TRMT6: variants seen among roughly 807,000 people sequenced by gnomAD.
TRMT6 encodes the protein tRNA (adenine(58)-N(1))-methyltransferase non-catalytic subunit TRM6.
Under a neutral mutation model 59.0 loss-of-function variants are expected in TRMT6, and 34 were observed. That is an observed-to-expected ratio of 0.58 (90% confidence interval 0.44 to 0.77). The LOEUF (loss-of-function observed/expected upper bound fraction) is 0.77. TRMT6 is among the 30% of genes least tolerant of loss of function. TRMT6 has a pLI of 0.00. For missense variants in TRMT6, 575 were observed against 604.5 expected (o/e 0.95, Z 0.51); for synonymous variants, 217 against 210.5 (o/e 1.03, Z -0.27).
chr20:5,942,868 G>A, intron 6 of TRMT6, 82 bp from the exon 7 acceptor site: 1 of 1,014,458 alleles, frequency 9.9e-7, no homozygotes, highest in South Asian at 1.5e-5. Flanking sequence ...CCACAGTAAT[G>A]AGACTGAAGG....
At chr20:5,944,310 T>C (rs985074703) in intron 3 of TRMT6, 57 bp from the exon 4 acceptor site, 3 of 1,091,912 alleles carry the variant, frequency 2.7e-6, no homozygotes, top group African/African-American at 1.6e-5. Context: ...AAACAAGTAA[T>C]TTCCAAAGGC....
At chr20:5,939,326 C>A (rs1476338901) in intron 10 of TRMT6, among the ~76,000 whole-genome samples, 2 of 151,840 alleles carry the variant, frequency 1.3e-5, no homozygotes, top group Non-Finnish European at 1.5e-5. Flanking sequence ...ACTAAAAATA[C>A]AAAAATTAGC....
Position 5,938,845 on chromosome 20 carries a change from A to AT in TRMT6, c.1303-120dup, listed in dbSNP as rs201461796. On this transcript the variant is annotated intron_variant, in intron 10 of 10. Transcript: ENST00000203001. Reference sequence around the variant, plus strand: ...GGTTCTCTTGATGATTTAAATGGACATTTTTTTTTCTTTCTTTTCTTTTCC... The same window carrying AT: ...GGTTCTCTTGATGATTTAAATGGACATTTTTTTTTTCTTTCTTTTCTTTTCC... 2,757 of 876,112 alleles carry AT rather than the reference A, an allele frequency of 3.1e-3. 19 individuals are homozygous for AT. Among genetic ancestry groups the AT allele is most frequent in the African/African-American group, 0.026 (1,500 of 57,932 alleles). 54.3% of individuals were successfully genotyped at this position (876,112 alleles called of 1,614,324 possible).
rs752621008 is a variant in TRMT6, at chr20:5,950,382, C to T, written c.24G>A (p.Pro8=). 15 of 1,605,864 alleles carry T rather than the reference C, an allele frequency of 9.3e-6. No individual in the cohort carries two copies. Among genetic ancestry groups the T allele is most frequent in the East Asian group, 2.2e-5 (1 of 44,828 alleles). ...CTCCGGGATGCTGTGGTTGTGGGCC[C>T]GGCTGCTCCCCTGAGCCCTCCATGA... is the stretch of plus-strand genomic sequence containing the variant. MEGSGEQ[P]GPQPQHPGDH... The change falls in exon 1 of 11, where the codon CCG becomes CCA. Residue 8 remains proline, a synonymous_variant. Transcript: ENST00000203001.
intron 6 of TRMT6, among the ~76,000 whole-genome samples, chr20:5,943,291 C>T (rs979182585): frequency 6.6e-6 from 1 of 152,190 alleles, no homozygotes; most frequent in African/African-American, 2.4e-5. Flanking sequence ...CCCGAAAGCC[C>T]TAGCCAGCCA....
chr20:5,941,536 G>A (rs371418427), intron 8 of TRMT6, 191 bp from the exon 9 acceptor site: 3 of 587,820 alleles, frequency 5.1e-6, no homozygotes, highest in Non-Finnish European at 3.0e-6. Context: ...CGCGAACTAG[G>A]TTAGAAGCTC....
intron 4 of TRMT6, 48 bp downstream of exon 4, chr20:5,944,114 A>C: frequency 1.5e-6 from 2 of 1,359,598 alleles, no homozygotes; most frequent in Admixed American, 2.3e-5. Context: ...TTTTATAAAC[A>C]TATAAGAAGT....
intron 1 of TRMT6, among the ~76,000 whole-genome samples, chr20:5,947,347 G>A (rs1170778137): frequency 1.3e-5 from 2 of 152,204 alleles, no homozygotes; most frequent in Non-Finnish European, 2.9e-5. Flanking sequence ...GGAATCATGT[G>A]GTGGTTAATT....
chr20:5,939,515 A>G (rs898809068), intron 10 of TRMT6, among the ~76,000 whole-genome samples: 32 of 151,820 alleles, frequency 2.1e-4, no homozygotes, highest in African/African-American at 7.7e-4. Flanking sequence ...GAAGAAAAAG[A>G]ACTGAAGCAG....
rs201035404 is a variant in TRMT6 at position 5,938,589 on chromosome 20, G to T, written c.1440C>A (p.His480Gln). ...TTTTAGCTGCAGGCTCCTCAGTCTC[G>T]TGTGATTCTAAAGTGCTTGCATTAG... ...LKSNASTLES[H>Q]ETEEPAAKKR... The change falls in exon 11 of 11, where the codon CAC becomes CAA. Residue 480 changes from histidine (H) to glutamine (Q), a missense_variant. By Grantham distance (24) the His-to-Gln change is conservative. Transcript: ENST00000203001. 6.2e-7 allele frequency: 1 copy of T among 1,614,068 alleles called. No homozygotes were observed. Among genetic ancestry groups the T allele is most frequent in the Non-Finnish European group, 8.5e-7 (1 of 1,180,028 alleles).
chr20:5,945,345 C>T lies in TRMT6; in HGVS notation c.257-431G>A, dbSNP rs148247722. ...TTCCTTGAACACACCCAGCAAGGTC[C>T]CACAGCAGGCTTTTGGCACCTGCTG... On this transcript the variant is annotated intron_variant, in intron 2 of 10. Coordinates refer to ENST00000203001, the MANE Select transcript of TRMT6 (RefSeq NM_015939.5). Among the ~76,000 whole-genome samples the T allele has an allele frequency of 4.3e-3, 648 of 152,360 alleles. 5 individuals are homozygous for T. Among genetic ancestry groups the T allele is most frequent in the African/African-American group, 0.015 (611 of 41,590 alleles).
At chr20:5,940,017 A>C (rs569369807) in intron 10 of TRMT6, among the ~76,000 whole-genome samples, 6 of 152,324 alleles carry the variant, frequency 3.9e-5, no homozygotes, top group Non-Finnish European at 8.8e-5. Flanking sequence ...GGTTGCTTCC[A>C]GTCAGTAACT....
intron 8 of TRMT6, chr20:5,941,652 C>G (rs1419274042): frequency 1.9e-6 from 1 of 528,094 alleles, no homozygotes; most frequent in East Asian, 3.1e-5. Context: ...TTGTGGATAT[C>G]TGTTATAGCC....
intron 1 of TRMT6, among the ~76,000 whole-genome samples, chr20:5,949,804 G>A (rs992412334): frequency 1.3e-5 from 2 of 152,144 alleles, no homozygotes; most frequent in Admixed American, 6.5e-5. Flanking sequence ...GGAAAAAAAG[G>A]GGGAACCTGA....
Position 5,950,443 on chromosome 20 carries a change from C to T in TRMT6, c.-38G>A, listed in dbSNP as rs952123646. On this transcript the variant is annotated 5_prime_UTR_variant, in exon 1 of 11. Coordinates refer to ENST00000203001, the MANE Select transcript of TRMT6 (RefSeq NM_015939.5). ...GTCGCCGTGCTCCACGGCGTCCCGCCCCTCCTCCTCGGTTGTCGCCACCGC... is the reference window on the plus strand; with the variant it reads ...GTCGCCGTGCTCCACGGCGTCCCGCTCCTCCTCCTCGGTTGTCGCCACCGC... 2.1e-5 allele frequency: 32 copies of T among 1,549,370 alleles called. No homozygotes were observed. In the South Asian group the frequency reaches 2.9e-4, roughly 14 times the overall value.
intron 4 of TRMT6, 47 bp from the exon 5 acceptor site, chr20:5,944,078 A>G: frequency 4.9e-6 from 7 of 1,435,768 alleles, no homozygotes; most frequent in Non-Finnish European, 5.6e-6. Flanking sequence ...ATGACTTAAA[A>G]TATTTTATTT....
At chr20:5,944,768 C>A in intron 3 of TRMT6, 37 bp downstream of exon 3, 3 of 1,545,918 alleles carry the variant, frequency 1.9e-6, no homozygotes, top group African/African-American at 1.4e-5. Flanking sequence ...AAATGCCAAA[C>A]AGACAAAAAC....
chr20:5,950,209 G>A, intron 1 of TRMT6, 69 bp downstream of exon 1: 1 of 1,463,758 alleles, frequency 6.8e-7, no homozygotes, highest in Non-Finnish European at 9.2e-7. Flanking sequence ...ATTCTGTGGA[G>A]AAACCTGGAG....
rs2088668826 is a variant in TRMT6, at chr20:5,942,691, A to G, written c.763T>C (p.Tyr255His). ...TCCACTTTGTTGAGAGGGAATTCAT[A>G]AAGACCACTGAGAAAAGATTTGGGA... ...GFPKSFLSGLYEFPLNKVDSL... is the reference protein window; with the variant it reads ...GFPKSFLSGLHEFPLNKVDSL... The change falls in exon 7 of 11, where the codon TAT (tyrosine) becomes CAT (histidine). Residue 255 changes from tyrosine (Y) to histidine (H), a missense_variant. By Grantham distance (83) the Tyr-to-His change is moderately conservative. Coordinates refer to ENST00000203001, the MANE Select transcript of TRMT6 (RefSeq NM_015939.5). 2.5e-6 allele frequency: 4 copies of G among 1,614,198 alleles called. No individual in the cohort carries two copies. The South Asian group carries it at 3.3e-5, about 13-fold the overall frequency.
Sources: gnomAD v4.1 joint callset for allele counts (sites outside exome capture counted in the v4.1 genomes callset) on GRCh38, gnomAD v4.1.1 for gene constraint, MANE v1.5 for transcripts, NCBI Gene and HGNC (gene_info 2026-07-23, HGNC 2026-07-21) for gene names.